The following OR51B5 variants were observed in gnomAD, a reference collection of about 807,000 sequenced individuals.
OR51B5 encodes the protein olfactory receptor family 51 subfamily B member 5.
For synonymous variants in OR51B5, 186 were observed against 144.8 expected (o/e 1.28, Z -2.04); for missense variants, 456 against 374.6 (o/e 1.22, Z -1.79).
intron 1 of OR51B5, among the ~76,000 whole-genome samples, chr11:5,423,576 T>C (rs1850393560): frequency 6.6e-6 from 1 of 152,152 alleles, no homozygotes; most frequent in South Asian, 2.1e-4. Context: ...AGATCTTCTG[T>C]TCTGGGTCAC....
At chr11:5,465,232 T>G (rs1468113008) in intron 1 of OR51B5, among the ~76,000 whole-genome samples, 112 of 95,904 alleles carry the variant, frequency 1.2e-3, no homozygotes, top group African/African-American at 3.8e-3. Context: ...AAAAAAAAAG[T>G]GTTCCTATTT....
intron 1 of OR51B5, among the ~76,000 whole-genome samples, chr11:5,442,881 A>G (rs12279751): frequency 0.13 from 19,158 of 152,180 alleles, 1,643 homozygotes; most frequent in Non-Finnish European, 0.19. Flanking sequence ...TTCTTGCTAC[A>G]GTTAACACTG....
At chr11:5,373,089 T>C (rs1564926042) in intron 1 of OR51B5, among the ~76,000 whole-genome samples, 1 of 152,096 alleles carries the variant, frequency 6.6e-6, no homozygotes, top group Non-Finnish European at 1.5e-5. Context: ...CCTCAACAAA[T>C]AGTGTTGGGA....
intron 1 of OR51B5, among the ~76,000 whole-genome samples, chr11:5,353,152 T>C (rs937891847): frequency 6.6e-6 from 1 of 152,114 alleles, no homozygotes; most frequent in African/African-American, 2.4e-5. Flanking sequence ...CCTCAATTAC[T>C]TTCTTCAATG....
chr11:5,425,046 ACATCCTTTCCTCATGTT>A (rs1850427864), intron 1 of OR51B5, among the ~76,000 whole-genome samples: 1 of 118,644 alleles, frequency 8.4e-6, no homozygotes, highest in Non-Finnish European at 1.9e-5. Flanking sequence ...TTCTCTTCCT[ACATCCTTTCCTCATGTT>A]TTATTTTTTC....
In OR51B5 at chr11:5,360,993, G is replaced by GGT. The variant is rs1258409910; in HGVS notation, n.85-14085_85-14084dup. ...CATCACACACCAGGGCCTGCAGTGG[G>GGT]GTGGGGGTCGGGGGGAGGGATAGCA... On this transcript the variant is annotated intron_variant and non_coding_transcript_variant, in intron 1 of 4. Coordinates refer to the OR51B5 transcript ENST00000415970. 2.0e-5 allele frequency among the ~76,000 whole-genome samples: 3 copies of GGT among 151,344 alleles called. No homozygotes were observed. The East Asian group carries it at 5.8e-4, about 29-fold the overall frequency.
chr11:5,356,036 C>A, intron 1 of OR51B5, among the ~76,000 whole-genome samples: 1 of 151,904 alleles, frequency 6.6e-6, no homozygotes, highest in Non-Finnish European at 1.5e-5. Flanking sequence ...AAAAACAGAG[C>A]AGAAAAACTG....
At chr11:5,406,647 A>G (rs961406074) in intron 1 of OR51B5, among the ~76,000 whole-genome samples, 1 of 152,184 alleles carries the variant, frequency 6.6e-6, no homozygotes, top group Admixed American at 6.5e-5. Context: ...TATCCAGTGA[A>G]TATGAGTTTG....
chr11:5,388,607 G>A (rs6578628), intron 1 of OR51B5, among the ~76,000 whole-genome samples: 120,485 of 148,630 alleles, frequency 0.81, 49,193 homozygotes, highest in Middle Eastern at 0.85. Flanking sequence ...ATATACAGAG[G>A]AAATTAGGAT....
At chr11:5,461,037 G>C (rs1165920361) in intron 1 of OR51B5, among the ~76,000 whole-genome samples, 1 of 152,194 alleles carries the variant, frequency 6.6e-6, no homozygotes, top group Non-Finnish European at 1.5e-5. Flanking sequence ...CAGTAGTTGA[G>C]GGGGAGATTG....
intron 1 of OR51B5, among the ~76,000 whole-genome samples, chr11:5,495,375 CAA>C (rs1185040754): frequency 6.6e-6 from 1 of 151,974 alleles, no homozygotes; most frequent in African/African-American, 2.4e-5. Flanking sequence ...GTTAAAAAAA[CAA>C]ATTTTAAAAA....
At chr11:5,430,432 A>T (rs143060089) in intron 1 of OR51B5, among the ~76,000 whole-genome samples, 1 of 152,214 alleles carries the variant, frequency 6.6e-6, no homozygotes, top group Non-Finnish European at 1.5e-5. Flanking sequence ...TAGAAGAGAA[A>T]GTCATGTACA....
At chr11:5,378,315 A>G (rs1188001361) in intron 1 of OR51B5, among the ~76,000 whole-genome samples, 3 of 152,020 alleles carry the variant, frequency 2.0e-5, no homozygotes, top group Admixed American at 6.6e-5. Flanking sequence ...TTAATTCAAG[A>G]TGGATTAAAG....
chr11:5,387,835 A>G (rs1275235522), intron 1 of OR51B5, among the ~76,000 whole-genome samples: 4 of 152,152 alleles, frequency 2.6e-5, no homozygotes, highest in Non-Finnish European at 5.9e-5. Context: ...TATAAAATGC[A>G]TCACTCTTAC....
intron 1 of OR51B5, among the ~76,000 whole-genome samples, chr11:5,354,188 C>A (rs1849150505): frequency 6.6e-6 from 1 of 152,154 alleles, no homozygotes; most frequent in Admixed American, 6.5e-5. Context: ...TCTGTATTGT[C>A]TTCCAAGATA....
intron 1 of OR51B5, among the ~76,000 whole-genome samples, chr11:5,431,885 T>C (rs548262952): frequency 1.1e-3 from 160 of 152,356 alleles, no homozygotes; most frequent in Middle Eastern, 3.4e-3. Flanking sequence ...AAGTTTTAAA[T>C]ACTTTTTATG....
chr11:5,389,715 T>C, intron 1 of OR51B5: 9 of 1,613,824 alleles, frequency 5.6e-6, no homozygotes, highest in Non-Finnish European at 7.6e-6. Flanking sequence ...AGTATCTACT[T>C]TGGAGCGTGT....
At chr11:5,483,499 A>C (rs536160909) in intron 1 of OR51B5, among the ~76,000 whole-genome samples, 1 of 131,742 alleles carries the variant, frequency 7.6e-6, no homozygotes, top group African/African-American at 2.9e-5. Flanking sequence ...CTAAAACTTA[A>C]AGTATAATTA....
intron 1 of OR51B5, among the ~76,000 whole-genome samples, chr11:5,404,315 A>G (rs1850025279): frequency 6.6e-6 from 1 of 152,122 alleles, no homozygotes; most frequent in Admixed American, 6.6e-5. Flanking sequence ...GGACTTGGAG[A>G]ACTTTTCTGT....
Sources: allele counts gnomAD v4.1 joint callset (sites outside exome capture counted in the v4.1 genomes callset), GRCh38; gene constraint gnomAD v4.1.1; transcripts MANE v1.5; gene names NCBI Gene and HGNC (gene_info 2026-07-23, HGNC 2026-07-21).